Variants in SLC39A12 observed in about 807,000 individuals in gnomAD.
SLC39A12 encodes the protein zinc transporter ZIP12.
SLC39A12 carries 63 observed loss-of-function variants against 71.1 expected under a neutral mutation model. The ratio of observed to expected loss-of-function variants is 0.89; its 90% CI spans 0.72 to 1.09. The LOEUF (loss-of-function observed/expected upper bound fraction) is 1.09, where lower values mean the gene tolerates loss of function less well. Among genes scored for constraint, SLC39A12 ranks in the 50% least tolerant of loss-of-function variants. The pLI, the probability that SLC39A12 is intolerant of heterozygous loss-of-function variation, is 0.00. For missense variants in SLC39A12, 892 were observed against 812.6 expected, an observed-to-expected ratio of 1.10 and a Z score of -1.19; for synonymous variants, 351 against 301.3, an observed-to-expected ratio of 1.16 and a Z score of -1.71.
intron 8 of SLC39A12, among the ~76,000 whole-genome samples, chr10:17,992,038 G>A (rs1424934598): frequency 1.4e-4 from 19 of 137,352 alleles, no homozygotes; most frequent in African/African-American, 4.1e-4. Context: ...GCAGTGAGCC[G>A]AGATCGCGCC....
At chr10:18,013,346 T>TTTATTATTATTATTATTA (rs35228459) in intron 12 of SLC39A12, among the ~76,000 whole-genome samples, 28 of 139,834 alleles carry the variant, frequency 2.0e-4, no homozygotes, top group East Asian at 6.2e-4. Context: ...TCCAACTTTA[T>TTTATTATTATTATTATTA]TTATTATTAT....
chr10:18,039,267 T>A (rs1043552231), intron 12 of SLC39A12, among the ~76,000 whole-genome samples: 27 of 152,080 alleles, frequency 1.8e-4, no homozygotes, highest in African/African-American at 6.5e-4. Flanking sequence ...ATTCCATATT[T>A]GGAAATTAGA....
chr10:18,006,809 G>T (rs78697191), intron 12 of SLC39A12, among the ~76,000 whole-genome samples: 1,864 of 152,234 alleles, frequency 0.012, 46 homozygotes, highest in African/African-American at 0.043. Context: ...AGCATTCCTG[G>T]AAAGGGGCTC....
At chr10:17,989,348 C>T (rs1268771931) in intron 7 of SLC39A12, among the ~76,000 whole-genome samples, 1 of 152,212 alleles carries the variant, frequency 6.6e-6, no homozygotes, top group Non-Finnish European at 1.5e-5. Context: ...TTTAATTGCC[C>T]TCATAATCTA....
chr10:18,004,685 A>C (rs1037691798), intron 12 of SLC39A12, among the ~76,000 whole-genome samples: 4 of 152,192 alleles, frequency 2.6e-5, no homozygotes, highest in Non-Finnish European at 5.9e-5. Flanking sequence ...GAACATTCTA[A>C]TTTTGATAGT....
intron 12 of SLC39A12, among the ~76,000 whole-genome samples, chr10:18,034,306 C>G (rs368297748): frequency 2.0e-5 from 3 of 150,704 alleles, no homozygotes; most frequent in Non-Finnish European, 3.0e-5. Context: ...GTAGGTCACT[C>G]AGGACTTGCT....
chr10:18,014,164 C>A (rs1589248747), intron 12 of SLC39A12, among the ~76,000 whole-genome samples: 2 of 152,036 alleles, frequency 1.3e-5, no homozygotes, highest in East Asian at 3.9e-4. Context: ...GTACACAAGT[C>A]TTTCACTTTT....
At chr10:18,028,176 C>T (rs1472475362) in intron 12 of SLC39A12, among the ~76,000 whole-genome samples, 2 of 152,134 alleles carry the variant, frequency 1.3e-5, no homozygotes, top group Non-Finnish European at 2.9e-5. Context: ...GCTATGCATT[C>T]CTGAGAGAGA....
At chr10:17,991,125 CT>C (rs58262664) in intron 7 of SLC39A12, 25 bp from the exon 8 acceptor site, 20,501 of 1,339,964 alleles carry the variant, frequency 0.015, 2 homozygotes, top group South Asian at 0.038. Flanking sequence ...TTCTCTCTGC[CT>C]TTTTTTTTTT....
intron 10 of SLC39A12, among the ~76,000 whole-genome samples, chr10:17,999,294 CAAA>C (rs59734258): frequency 0.26 from 18,154 of 68,868 alleles, 985 homozygotes; most frequent in Middle Eastern, 0.4. Context: ...GACTCCATCT[CAAA>C]AAAAAAAAAA....
At chr10:17,959,133 A>G (rs976364101) in intron 2 of SLC39A12, among the ~76,000 whole-genome samples, 11 of 151,884 alleles carry the variant, frequency 7.2e-5, no homozygotes, top group African/African-American at 2.4e-4. Flanking sequence ...ACTTTTTATA[A>G]AAGTGTAAGT....
Position 18,041,801 on chromosome 10 carries a change from A to G in SLC39A12, c.1948-904A>G, listed in dbSNP as rs151131233. ...TGTATATACATATGTGTCTATATGT[A>G]TATACATATGTATACGTATATGTAT... is the stretch of plus-strand genomic sequence containing the variant. On this transcript the variant is annotated intron_variant, in intron 12 of 12. Transcript: ENST00000377369. Among the ~76,000 whole-genome samples, 759 of 145,146 alleles carry G rather than the reference A, an allele frequency of 5.2e-3. 25 individuals are homozygous for G. Among genetic ancestry groups the G allele is most frequent in the African/African-American group, 0.019 (714 of 38,144 alleles).
chr10:17,988,081 G>T (rs1366999596), intron 7 of SLC39A12, among the ~76,000 whole-genome samples: 1 of 152,180 alleles, frequency 6.6e-6, no homozygotes, highest in Admixed American at 6.5e-5. Context: ...GCCAAGGCAG[G>T]TGGATTACTT....
At chr10:18,020,810 T>A (rs144862159) in intron 12 of SLC39A12, among the ~76,000 whole-genome samples, 42 of 152,292 alleles carry the variant, frequency 2.8e-4, no homozygotes, top group Non-Finnish European at 5.3e-4. Flanking sequence ...CATTTTTTAA[T>A]GGGGCCATTT....
At chr10:18,021,945 CA>C (rs1836544251) in intron 12 of SLC39A12, among the ~76,000 whole-genome samples, 1 of 152,158 alleles carries the variant, frequency 6.6e-6, no homozygotes, top group African/African-American at 2.4e-5. Context: ...TAATTAGGCC[CA>C]CAACATCTTC....
At chr10:17,997,874 C>T (rs1204923662) in intron 10 of SLC39A12, among the ~76,000 whole-genome samples, 3 of 152,196 alleles carry the variant, frequency 2.0e-5, no homozygotes, top group African/African-American at 4.8e-5. Context: ...CATGGAAAAC[C>T]TCTGATAGCT....
chr10:18,033,162 C>T (rs1397851363), intron 12 of SLC39A12, among the ~76,000 whole-genome samples: 2 of 138,950 alleles, frequency 1.4e-5, no homozygotes, highest in East Asian at 2.2e-4. Context: ...ATGCTGGCCT[C>T]ATAAAATGAG....
intron 12 of SLC39A12, among the ~76,000 whole-genome samples, chr10:18,041,842 T>A (rs1411296338): frequency 6.8e-6 from 1 of 147,224 alleles, no homozygotes; most frequent in Non-Finnish European, 1.5e-5. Context: ...TACATATGTA[T>A]ACGTATATAT....
Position 18,000,653 on chromosome 10 carries a change from A to T in SLC39A12, c.1601-14A>T, listed in dbSNP as rs1266667728. The T allele has an allele frequency of 6.2e-7, 1 of 1,613,800 alleles. No individual in the cohort carries two copies. Among genetic ancestry groups the T allele is most frequent in the Admixed American group, 1.7e-5 (1 of 60,006 alleles). Reference sequence around the variant, plus strand: ...CTCTGTTAATGCTTCTTCTGTGTTTATTTGGTTCCTTAGGTAAAGCCATTA... The same window carrying T: ...CTCTGTTAATGCTTCTTCTGTGTTTTTTTGGTTCCTTAGGTAAAGCCATTA... On this transcript the variant is annotated splice_polypyrimidine_tract_variant and intron_variant, in intron 10 of 12. Transcript: ENST00000377369.
Sources: allele counts gnomAD v4.1 joint callset (sites outside exome capture counted in the v4.1 genomes callset), GRCh38; gene constraint gnomAD v4.1.1; transcripts MANE v1.5; gene names NCBI Gene and HGNC (gene_info 2026-07-23, HGNC 2026-07-21).